IRF2: variants seen among roughly 807,000 people sequenced by gnomAD.
The protein encoded by IRF2 is interferon regulatory factor 2.
In IRF2, 15 loss-of-function variants were observed where a neutral mutation model predicts 40.6. The ratio of observed to expected loss-of-function variants is 0.37; its 90% CI spans 0.25 to 0.57. The LOEUF is 0.57. Among genes scored for constraint, IRF2 ranks in the 20% least tolerant of loss-of-function variants. The pLI, the probability that IRF2 is intolerant of heterozygous loss-of-function variation, is 0.77. For synonymous variants in IRF2, 151 were observed against 165.5 expected (o/e 0.91, Z 0.67); for missense variants, 317 against 455.7 (o/e 0.70, Z 2.77).
intron 6 of IRF2, 62 bp from the exon 7 acceptor site, chr4:184,399,141 T>C: frequency 6.7e-7 from 1 of 1,498,758 alleles, no homozygotes; most frequent in South Asian, 1.3e-5. Flanking sequence ...GCACACTTTC[T>C]CAAGAAAGAG....
chr4:184,418,378 T>A, intron 4 of IRF2, 154 bp downstream of exon 4: 3 of 955,460 alleles, frequency 3.1e-6, no homozygotes, highest in Non-Finnish European at 3.3e-6. Flanking sequence ...GAATCGAAAG[T>A]CTTGTTTCCA....
intron 2 of IRF2, among the ~76,000 whole-genome samples, chr4:184,421,697 C>A (rs1737487867): frequency 6.6e-6 from 1 of 152,078 alleles, no homozygotes; most frequent in Non-Finnish European, 1.5e-5. Context: ...TAAAGTAGAT[C>A]TTTTTAAGCA....
At chr4:184,418,123 T>C (rs1319780793) in intron 5 of IRF2, 44 bp downstream of exon 5, 2 of 1,488,226 alleles carry the variant, frequency 1.3e-6, no homozygotes, top group Non-Finnish European at 1.9e-6. Context: ...GAGTCATTAA[T>C]AGGATCCCAA....
At chr4:184,420,697 G>T (rs1221159344) in intron 2 of IRF2, among the ~76,000 whole-genome samples, 1 of 152,130 alleles carries the variant, frequency 6.6e-6, no homozygotes, top group South Asian at 2.1e-4. Context: ...TGGCGGTACC[G>T]GCAGGTACTA....
chr4:184,408,244 C>T lies in IRF2; in HGVS notation c.443G>A (p.Ser148Asn), dbSNP rs1054758930. 5 of 1,613,084 alleles carry T rather than the reference C, an allele frequency of 3.1e-6. No homozygotes were observed. Among genetic ancestry groups the T allele is most frequent in the Admixed American group, 3.3e-5 (2 of 60,010 alleles). The change falls in exon 6 of 9, where the codon AGT (serine) becomes AAT (asparagine). Residue 148 changes from serine to asparagine, a missense_variant. Transcript: ENST00000393593. This position sits in a 1 kb window ranked among gnomAD's most constrained non-coding sequence, Gnocchi z 4.9. ...AGGAGAAAGATCACTTACTCCATTA[C>T]TAAGCCCCAGAGATGACTCAACTGG... is the stretch of plus-strand genomic sequence containing the variant. ...QEPVESSLGL[S>N]NGVSDLSPEY... is the part of the protein sequence containing the mutation.
intron 1 of IRF2, among the ~76,000 whole-genome samples, chr4:184,468,990 T>C (rs1393933744): frequency 6.6e-6 from 1 of 152,140 alleles, no homozygotes; most frequent in African/African-American, 2.4e-5. Flanking sequence ...GGCATCTGAG[T>C]TCATGCACCT....
intron 6 of IRF2, among the ~76,000 whole-genome samples, chr4:184,400,371 C>T (rs181125959): frequency 2.6e-5 from 4 of 152,230 alleles, no homozygotes; most frequent in Admixed American, 2.6e-4. Context: ...CGCAGAGTCA[C>T]CCAAGTTGTT....
chr4:184,433,071 G>A (rs1165799510), intron 1 of IRF2, among the ~76,000 whole-genome samples: 1 of 152,176 alleles, frequency 6.6e-6, no homozygotes, highest in Non-Finnish European at 1.5e-5. Context: ...TCACCCAGAA[G>A]ACCATGCCTA....
At chr4:184,464,475 A>G (rs1739253792) in intron 1 of IRF2, among the ~76,000 whole-genome samples, 1 of 152,138 alleles carries the variant, frequency 6.6e-6, no homozygotes, top group African/African-American at 2.4e-5. Flanking sequence ...TAGGGAATGT[A>G]CAGGACATGA....
At chr4:184,423,430 C>G (rs1486225468) in intron 2 of IRF2, among the ~76,000 whole-genome samples, 1 of 152,208 alleles carries the variant, frequency 6.6e-6, no homozygotes, top group Non-Finnish European at 1.5e-5. Context: ...TCTGTTATCT[C>G]CTCTGCCTCT....
intron 1 of IRF2, among the ~76,000 whole-genome samples, chr4:184,447,898 A>G (rs1262715111): frequency 2.0e-5 from 3 of 152,250 alleles, no homozygotes; most frequent in East Asian, 1.9e-4. Flanking sequence ...TGCAAGGGAC[A>G]TGACTGAGAC....
chr4:184,429,915 A>G (rs1459373295), intron 1 of IRF2, among the ~76,000 whole-genome samples: 1 of 152,106 alleles, frequency 6.6e-6, no homozygotes, highest in Non-Finnish European at 1.5e-5. Flanking sequence ...CTAACAAAGT[A>G]CCTTCCACAC....
At chr4:184,460,669 A>ATG (rs1260224527) in intron 1 of IRF2, among the ~76,000 whole-genome samples, 39 of 120,920 alleles carry the variant, frequency 3.2e-4, no homozygotes, top group Non-Finnish European at 5.3e-4. Context: ...GCACGCGCAC[A>ATG]CACACACACA....
intron 1 of IRF2, among the ~76,000 whole-genome samples, chr4:184,433,870 C>T (rs1288622262): frequency 6.6e-6 from 1 of 152,216 alleles, no homozygotes; most frequent in Non-Finnish European, 1.5e-5. Flanking sequence ...TCACGACTAG[C>T]CGAGGGTGAG....
chr4:184,460,717 A>G (rs905678342), intron 1 of IRF2, among the ~76,000 whole-genome samples: 12 of 151,948 alleles, frequency 7.9e-5, no homozygotes, highest in East Asian at 1.9e-4. Flanking sequence ...ACACACACAC[A>G]CGCGAAGAGA....
chr4:184,458,462 G>A (rs1579111495), intron 1 of IRF2, among the ~76,000 whole-genome samples: 1 of 152,126 alleles, frequency 6.6e-6, no homozygotes, highest in African/African-American at 2.4e-5. Flanking sequence ...CTTCCTCTGA[G>A]GGTTTTATTT....
chr4:184,452,595 T>C (rs962674049), intron 1 of IRF2, among the ~76,000 whole-genome samples: 1 of 151,382 alleles, frequency 6.6e-6, no homozygotes, highest in South Asian at 2.1e-4. Context: ...TCAGGCTTTG[T>C]GAGGATTAAA....
Position 184,436,012 on chromosome 4 carries a change from C to G in IRF2, c.-6-6942G>C, listed in dbSNP as rs1470830177. Among the ~76,000 whole-genome samples, 3 of 147,366 alleles carry G rather than the reference C, an allele frequency of 2.0e-5. No homozygotes were observed. In the Admixed American group the frequency reaches 2.1e-4, roughly 10 times the overall value. On this transcript the variant is annotated intron_variant, in intron 1 of 8. Transcript: ENST00000393593. ...TTTTTTTTTGAGACAGAGTCTCGCT[C>G]TGTCGTTGGGCTGGAGTGCAGTGGC...
intron 7 of IRF2, among the ~76,000 whole-genome samples, chr4:184,392,963 C>T (rs923784584): frequency 2.0e-5 from 3 of 152,122 alleles, no homozygotes; most frequent in Admixed American, 6.5e-5. Flanking sequence ...CCTCAGCTGA[C>T]GACGATCCCA....
Sources: gnomAD v4.1 joint callset for allele counts (sites outside exome capture counted in the v4.1 genomes callset) on GRCh38, gnomAD v4.1.1 for gene constraint, Gnocchi (gnomAD v3.1) non-coding constraint, MANE v1.5 for transcripts, NCBI Gene and HGNC (gene_info 2026-07-23, HGNC 2026-07-21) for gene names.